CRYBG2: variants seen among roughly 807,000 people sequenced by gnomAD.
CRYBG2 encodes crystallin beta-gamma domain containing 2, also known as beta/gamma crystallin domain-containing protein 2.
CRYBG2 carries 106 observed loss-of-function variants against 153.4 expected under a neutral mutation model. The observed-to-expected ratio is 0.69, with a 90% confidence interval of 0.59 to 0.81. The LOEUF (loss-of-function observed/expected upper bound fraction) is 0.81, where lower values mean the gene tolerates loss of function less well. CRYBG2 is among the 30% of genes least tolerant of loss of function. The pLI is 0.00. For missense variants in CRYBG2, 1,996 were observed against 2,112.0 expected (o/e 0.95, Z 1.08); for synonymous variants, 851 against 877.8 (o/e 0.97, Z 0.54).
chr1:26,333,421 C>A (rs2074021663), intron 14 of CRYBG2, among the ~76,000 whole-genome samples: 1 of 152,052 alleles, frequency 6.6e-6, no homozygotes, highest in Non-Finnish European at 1.5e-5. Context: ...CAAAAATTAG[C>A]CGGGTGTGGT....
chr1:26,336,133 G>A lies in CRYBG2; in HGVS notation c.4146C>T (p.Ala1382=). The change falls in exon 14 of 20, where the codon GCC becomes GCT. Residue 1382 remains alanine, a synonymous_variant. Transcript: ENST00000308182. The surrounding 1 kb of genome is among the most constrained non-coding windows in gnomAD (Gnocchi z 4.9). ...CCCGGCAGGACTGAGGTCGGAAGGA[G>A]GCGGGCAGAGCGGCCTGGTCATCTT... ...SFEDDQAALP[A]SFRPQSCRVH... The A allele has an allele frequency of 6.6e-7, 1 of 1,526,262 alleles. No individual in the cohort carries two copies. Among genetic ancestry groups the A allele is most frequent in the Non-Finnish European group, 8.8e-7 (1 of 1,130,786 alleles). The allele number at this position is 1,526,262 out of a possible 1,614,324, so 94.5% of individuals were successfully genotyped here.
intron 15 of CRYBG2, among the ~76,000 whole-genome samples, chr1:26,330,493 T>C (rs1404415083): frequency 1.3e-5 from 2 of 151,112 alleles, no homozygotes; most frequent in Non-Finnish European, 2.9e-5. Context: ...ACACACCTCT[T>C]AGCATTGTGG....
At chr1:26,335,202 C>T (rs977094036) in intron 14 of CRYBG2, among the ~76,000 whole-genome samples, 4 of 151,628 alleles carry the variant, frequency 2.6e-5, no homozygotes, top group South Asian at 2.1e-4. Context: ...GGTCGCCGGG[C>T]GCAGTGGCTC....
At chr1:26,331,692 G>A in intron 14 of CRYBG2, 74 bp from the exon 15 acceptor site, 1 of 1,576,074 alleles carries the variant, frequency 6.3e-7, no homozygotes, top group South Asian at 1.1e-5. Flanking sequence ...CTGAGATACA[G>A]AAGAGGGAAT....
intron 16 of CRYBG2, 173 bp downstream of exon 16, chr1:26,328,561 G>T (rs751378218): frequency 5.5e-5 from 64 of 1,159,860 alleles, no homozygotes; most frequent in Non-Finnish European, 7.4e-5. Flanking sequence ...TGGGGTCTAA[G>T]CCCTGAGAGC....
rs2073920056 is a variant in CRYBG2 at position 26,325,954 on chromosome 1, T to C, written c.4579-1644A>G. Among the ~76,000 whole-genome samples, 1 of 152,030 alleles carries C rather than the reference T, an allele frequency of 6.6e-6. No individual in the cohort carries two copies. The highest frequency in any genetic ancestry group is 6.6e-5 in the Admixed American group (1 of 15,250). ...TCTCGCTCTGTCACCCACGCTGGAG[T>C]ACCAGTGGAGCCATCATGGCTCACT... On this transcript the variant is annotated intron_variant, in intron 17 of 19. Coordinates refer to ENST00000308182, the MANE Select transcript of CRYBG2 (RefSeq NM_001039775.4). The surrounding 1 kb of genome is among the most constrained non-coding windows in gnomAD (Gnocchi z 4.1).
At position 26,343,782 on chromosome 1, in the gene CRYBG2, G is replaced by T. The variant is rs759509672; in HGVS notation, c.2876C>A (p.Thr959Lys). ...PLLCSERSSP[T>K]EKLACSLPLE... The stretch of plus-strand genomic sequence containing the variant: ...GGGCAGGGAACAGGCAAGCTTCTCC[G>T]TTGGGGATGATCTTTCACTGCAAAG... The change falls in exon 2 of 20, where the codon ACG becomes AAG. Residue 959 changes from threonine to lysine, a missense_variant. Coordinates refer to ENST00000308182, the MANE Select transcript of CRYBG2 (RefSeq NM_001039775.4). This position sits in a 1 kb window ranked among gnomAD's most constrained non-coding sequence, Gnocchi z 4.1. 56 of 1,450,356 alleles carry T rather than the reference G, an allele frequency of 3.9e-5. No homozygotes were observed. In the African/African-American group the frequency reaches 6.6e-4, roughly 17 times the overall value. The allele number at this position is 1,450,356 out of a possible 1,614,324, so 89.8% of individuals were successfully genotyped here. A position where few individuals can be genotyped will look rare whatever the true frequency, so the allele number is the denominator to read the frequency against.
Position 26,336,616 on chromosome 1 carries a change from G to A in CRYBG2, c.4028C>T (p.Pro1343Leu). 2.6e-6 allele frequency: 4 copies of A among 1,549,960 alleles called. No individual in the cohort carries two copies. Among genetic ancestry groups the A allele is most frequent in the Non-Finnish European group, 3.5e-6 (4 of 1,146,654 alleles). The change falls in exon 12 of 20, where the codon CCG becomes CTG. Residue 1343 changes from proline (P) to leucine (L), a missense_variant. Transcript: ENST00000308182. The surrounding 1 kb of genome is among the most constrained non-coding windows in gnomAD (Gnocchi z 4.9). ...AGNSTLASLQPVLQVGEHDLH... is the reference protein window; with the variant it reads ...AGNSTLASLQLVLQVGEHDLH... ...GCGGCCGGCACGCACCTGTAGGACC[G>A]GCTGCAGCGAGGCGAGGGTGCTGTT...
Position 26,344,940 on chromosome 1 carries a change from G to T in CRYBG2, c.1718C>A (p.Ala573Asp). Residue 573 changes from alanine (A) to aspartate (D), a missense_variant, in exon 2 of 20, where the codon GCT becomes GAT. By Grantham distance (126) the Ala-to-Asp change is moderately radical. Transcript: ENST00000308182. ...CTCTTTTGGGGTGGTGGACAAGGCA[G>T]CAGGAGCACCAGACCCCTGCACCAC... is the stretch of plus-strand genomic sequence containing the variant. ...KEVVQGSGAP[A>D]ALSTTPKEVV... The T allele has an allele frequency of 1.3e-6, 2 of 1,539,074 alleles. No homozygotes were observed. Among genetic ancestry groups the T allele is most frequent in the Non-Finnish European group, 1.7e-6 (2 of 1,149,214 alleles).
In CRYBG2 at chr1:26,345,911, AGG is replaced by A; in HGVS notation, c.745_746del (p.Pro249CysfsTer30). On this transcript the variant is annotated frameshift_variant, in exon 2 of 20. Transcript: ENST00000308182. LOFTEE classifies it high-confidence loss of function. ...SNLVPAGHSP[P>X]ASHLPRPTAG... ...CCGTGGGCCTGGGCAGGTGACTGGC[AGG>A]GGGGCTGTGCCCAGCAGGCACGAGG... The A allele has an allele frequency of 2.5e-6, 4 of 1,597,214 alleles. No homozygotes were observed. The highest frequency in any genetic ancestry group is 1.7e-4 in the Middle Eastern group (1 of 6,052).
At chr1:26,327,950 A>AAC (rs1273347128) in intron 17 of CRYBG2, among the ~76,000 whole-genome samples, 2 of 149,596 alleles carry the variant, frequency 1.3e-5, no homozygotes, top group Non-Finnish European at 1.5e-5. Flanking sequence ...CTGTCACACA[A>AAC]AAAAAAAAAA....
intron 17 of CRYBG2, 54 bp downstream of exon 17, chr1:26,328,155 C>T (rs1365515504): frequency 2.9e-5 from 45 of 1,537,908 alleles, no homozygotes; most frequent in Non-Finnish European, 3.6e-5. Context: ...TCCAGAAAGG[C>T]CTGCCCAGAC....
intron 9 of CRYBG2, 36 bp downstream of exon 9, chr1:26,337,502 G>A (rs2074076433): frequency 6.2e-7 from 1 of 1,609,788 alleles, no homozygotes; most frequent in African/African-American, 1.3e-5. Context: ...AAAGGCCAGA[G>A]GTGATGAAAT....
chr1:26,344,309 G>T lies in CRYBG2; in HGVS notation c.2349C>A (p.His783Gln), dbSNP rs2074173732. 2 of 1,510,344 alleles carry T rather than the reference G, an allele frequency of 1.3e-6. No individual in the cohort carries two copies. The highest frequency in any genetic ancestry group is 1.8e-6 in the Non-Finnish European group (2 of 1,129,686). The allele number at this position is 1,510,344 out of a possible 1,614,324, so 93.6% of individuals were successfully genotyped here. A position where few individuals can be genotyped will look rare whatever the true frequency, so the allele number is the denominator to read the frequency against. Reference protein sequence around the residue: ...SMEPPEILRTHRLPRAPRSSY... With the variant: ...SMEPPEILRTQRLPRAPRSSY... ...AGGAGCGAGGGGCTCGTGGCAGCCGGTGAGTGCGGAGGATCTCAGGGGGCT... is the reference window on the plus strand; with the variant it reads ...AGGAGCGAGGGGCTCGTGGCAGCCGTTGAGTGCGGAGGATCTCAGGGGGCT... Residue 783 changes from histidine to glutamine, a missense_variant, in exon 2 of 20, where the codon CAC (histidine) becomes CAA (glutamine). His to Gln is a conservative substitution (Grantham distance 24, BLOSUM62 0). Transcript: ENST00000308182.
In CRYBG2 at chr1:26,344,711, C is replaced by T; in HGVS notation, c.1947G>A (p.Gln649=). The change falls in exon 2 of 20, where the codon CAG becomes CAA. Residue 649 remains glutamine (Q), a synonymous_variant. Transcript: ENST00000308182. ...GCGGGGCAAGGCTGCCTGCAATACCCTGGACAGCCTCTTTTTGGATGCTAC... is the reference window on the plus strand; with the variant it reads ...GCGGGGCAAGGCTGCCTGCAATACCTTGGACAGCCTCTTTTTGGATGCTAC... ...GSSSIQKEAV[Q]GIAGSLAPPL... is the part of the protein sequence containing the mutation. 6.5e-7 allele frequency: 1 copy of T among 1,534,388 alleles called. No homozygotes were observed. Among genetic ancestry groups the T allele is most frequent in the Non-Finnish European group, 8.7e-7 (1 of 1,145,838 alleles).
chr1:26,323,717 C>T (rs897102183), intron 18 of CRYBG2, among the ~76,000 whole-genome samples: 1 of 151,906 alleles, frequency 6.6e-6, no homozygotes, highest in African/African-American at 2.4e-5. Flanking sequence ...CTCCTGGGCT[C>T]AAGCCTCCCA....
intron 1 of CRYBG2, among the ~76,000 whole-genome samples, chr1:26,348,963 G>C (rs1203205828): frequency 6.6e-6 from 1 of 151,978 alleles, no homozygotes; most frequent in Non-Finnish European, 1.5e-5. Context: ...GAGGTCAGGA[G>C]TTCGAGACCA....
chr1:26,346,828 T>C lies in CRYBG2; in HGVS notation c.-55-116A>G. ...GAACCTCAGGCAAATCGCTTGGCCT[T>C]TTTGGGCCATTGCTTTCTCATCTGT... On this transcript the variant is annotated intron_variant, in intron 1 of 19. Transcript: ENST00000308182. The surrounding 1 kb of genome is among the most constrained non-coding windows in gnomAD (Gnocchi z 4.9). 2 of 627,638 alleles carry C rather than the reference T, an allele frequency of 3.2e-6. No homozygotes were observed. Among genetic ancestry groups the C allele is most frequent in the Non-Finnish European group, 5.3e-6 (2 of 375,902 alleles). 38.9% of individuals were successfully genotyped at this position (627,638 alleles called of 1,614,324 possible). A position where few individuals can be genotyped will look rare whatever the true frequency, so the allele number is the denominator to read the frequency against.
Position 26,343,960 on chromosome 1 carries a change from G to T in CRYBG2, c.2698C>A (p.Pro900Thr). The T allele has an allele frequency of 6.5e-7, 1 of 1,537,666 alleles. No individual in the cohort carries two copies. Among genetic ancestry groups the T allele is most frequent in the Non-Finnish European group, 8.7e-7 (1 of 1,146,648 alleles). ...AGGCTGCCTCCAAGACGGGAAGTGGGCCTGCTGCCTCCCTGCAGTTCCAAT... is the reference window on the plus strand; with the variant it reads ...AGGCTGCCTCCAAGACGGGAAGTGGTCCTGCTGCCTCCCTGCAGTTCCAAT... ...LGLELQGGSR[P>T]TSRLGGSLLF... The change falls in exon 2 of 20, where the codon CCC becomes ACC. Residue 900 changes from proline to threonine, a missense_variant. Physicochemically the swap from Pro to Thr is conservative, Grantham distance 38 (BLOSUM62 -1). Transcript: ENST00000308182. This position sits in a 1 kb window ranked among gnomAD's most constrained non-coding sequence, Gnocchi z 4.1.
Sources: allele counts gnomAD v4.1 joint callset (sites outside exome capture counted in the v4.1 genomes callset), GRCh38; gene constraint gnomAD v4.1.1; non-coding constraint Gnocchi (gnomAD v3.1); transcripts MANE v1.5; gene names NCBI Gene and HGNC (gene_info 2026-07-23, HGNC 2026-07-21).